Variants in MAF observed in about 807,000 individuals in gnomAD.
MAF encodes the protein transcription factor Maf.
A neutral mutation model predicts 22.0 loss-of-function variants in MAF; 10 were observed. That is an observed-to-expected ratio of 0.45 (90% CI 0.28 to 0.77). The LOEUF (loss-of-function observed/expected upper bound fraction) is 0.77. Ranked by LOEUF, MAF falls within the 30% of genes least tolerant of loss-of-function variation. MAF has a pLI of 0.12. For missense variants in MAF, 544 were observed against 548.4 expected (o/e 0.99, Z 0.08); for synonymous variants, 337 against 255.8 (o/e 1.32, Z -3.03).
the MAF span, among the ~76,000 whole-genome samples, chr16:79,245,155 G>A: frequency 1.3e-5 from 2 of 152,020 alleles, no homozygotes; most frequent in African/African-American, 4.8e-5. Flanking sequence ...ATATAGGCAC[G>A]GGCGAAGACT....
the MAF span, among the ~76,000 whole-genome samples, chr16:79,376,158 T>C: frequency 6.6e-6 from 1 of 152,190 alleles, no homozygotes; most frequent in Non-Finnish European, 1.5e-5. Context: ...TAAATGTTAC[T>C]TCTTCGTATG....
At chr16:79,210,744 G>A in the MAF span, among the ~76,000 whole-genome samples, 3 of 151,972 alleles carry the variant, frequency 2.0e-5, no homozygotes, top group Non-Finnish European at 4.4e-5. Flanking sequence ...GTGATTTCTT[G>A]CCCTCTTTAT....
chr16:79,273,277 T>A, the MAF span, among the ~76,000 whole-genome samples: 1 of 152,168 alleles, frequency 6.6e-6, no homozygotes, highest in African/African-American at 2.4e-5. Context: ...ATTTATCTAA[T>A]CTCTGGGCTC....
chr16:79,547,140 G>T, the MAF span, among the ~76,000 whole-genome samples: 1 of 151,976 alleles, frequency 6.6e-6, no homozygotes, highest in African/African-American at 2.4e-5. Context: ...ACGGTGCAGG[G>T]ATGGACTTGG....
chr16:79,359,566 T>C, the MAF span, among the ~76,000 whole-genome samples: 4 of 152,330 alleles, frequency 2.6e-5, no homozygotes, highest in East Asian at 1.9e-4. Context: ...CCAGCCCCAA[T>C]TGCTGTTCTT....
the MAF span, among the ~76,000 whole-genome samples, chr16:79,417,515 G>A: frequency 2.4e-4 from 36 of 152,252 alleles, no homozygotes; most frequent in Admixed American, 9.2e-4. Flanking sequence ...ATGGGCTGGC[G>A]GACTGGTGGT....
At chr16:79,348,431 C>A in the MAF span, among the ~76,000 whole-genome samples, 1 of 152,146 alleles carries the variant, frequency 6.6e-6, no homozygotes, top group African/African-American at 2.4e-5. Flanking sequence ...AAACAGGATA[C>A]GGGGTCCATT....
chr16:79,426,905 G>A, the MAF span, among the ~76,000 whole-genome samples: 1 of 152,216 alleles, frequency 6.6e-6, no homozygotes, highest in African/African-American at 2.4e-5. Context: ...GCAGGGCTGA[G>A]AGGTGCAGGA....
At chr16:79,353,675 C>T in the MAF span, among the ~76,000 whole-genome samples, 4 of 152,158 alleles carry the variant, frequency 2.6e-5, no homozygotes, top group Admixed American at 2.6e-4. Context: ...TATTTTTCTG[C>T]CTTTGGAGAG....
chr16:79,446,462 G>T, the MAF span, among the ~76,000 whole-genome samples: 3 of 152,120 alleles, frequency 2.0e-5, no homozygotes, highest in African/African-American at 7.2e-5. Flanking sequence ...ACCTCTAGAA[G>T]TGACCCTGTT....
In MAF at chr16:79,600,010, G is replaced by C. The variant is rs1913913823; in HGVS notation, c.-108C>G. ...AGCGGGTGAGCCAGCTTGCCGGGCT[G>C]GGGCGCTTCTAGCTTGCGCGGCGGT... On this transcript the variant is annotated 5_prime_UTR_variant, in exon 1 of 2. Transcript: ENST00000326043. 6.6e-7 allele frequency: 1 copy of C among 1,511,234 alleles called. No homozygotes were observed. The highest frequency in any genetic ancestry group is 1.4e-5 in the African/African-American group (1 of 73,118). 93.6% of individuals were successfully genotyped at this position (1,511,234 alleles called of 1,614,324 possible).
chr16:79,575,309 C>A, the MAF span, among the ~76,000 whole-genome samples: 2 of 152,172 alleles, frequency 1.3e-5, no homozygotes, highest in Non-Finnish European at 2.9e-5. Flanking sequence ...CATGAAGGCC[C>A]ACCCTTGGCT....
the MAF span, among the ~76,000 whole-genome samples, chr16:79,415,899 T>C: frequency 6.6e-6 from 1 of 152,010 alleles, no homozygotes; most frequent in Non-Finnish European, 1.5e-5. Context: ...GGGGCCATAC[T>C]CTTGCATCCC....
At chr16:79,547,023 G>T in the MAF span, among the ~76,000 whole-genome samples, 1 of 152,190 alleles carries the variant, frequency 6.6e-6, no homozygotes, top group Non-Finnish European at 1.5e-5. Flanking sequence ...GTTGGTAAGT[G>T]CCAGACATGG....
chr16:79,572,224 C>G, the MAF span, among the ~76,000 whole-genome samples: 60 of 152,266 alleles, frequency 3.9e-4, no homozygotes, highest in African/African-American at 1.4e-3. Flanking sequence ...GGAGGGGAGT[C>G]TGGTAGCAAC....
At chr16:79,361,652 A>G in the MAF span, among the ~76,000 whole-genome samples, 1 of 152,170 alleles carries the variant, frequency 6.6e-6, no homozygotes, top group Non-Finnish European at 1.5e-5. Flanking sequence ...TCACCTTTCA[A>G]GAGAAATTAC....
At chr16:79,545,699 G>A in the MAF span, among the ~76,000 whole-genome samples, 3 of 151,976 alleles carry the variant, frequency 2.0e-5, no homozygotes, top group Admixed American at 6.6e-5. Flanking sequence ...TTAAAATATG[G>A]ATGCCCATAG....
chr16:79,413,399 T>A, the MAF span, among the ~76,000 whole-genome samples: 73,202 of 139,908 alleles, frequency 0.52, 20,268 homozygotes, highest in East Asian at 0.9. Flanking sequence ...GCCTGCCACC[T>A]CGCCCGGCTA....
the MAF span, among the ~76,000 whole-genome samples, chr16:79,452,608 T>C: frequency 6.6e-6 from 1 of 152,148 alleles, no homozygotes; most frequent in East Asian, 1.9e-4. Flanking sequence ...ATTTGAAAAA[T>C]GTGGCAGACA....
Sources: allele counts gnomAD v4.1 joint callset (sites outside exome capture counted in the v4.1 genomes callset), GRCh38; gene constraint gnomAD v4.1.1; transcripts MANE v1.5; gene names NCBI Gene and HGNC (gene_info 2026-07-23, HGNC 2026-07-21).